GBF1: variants seen among roughly 807,000 people sequenced by gnomAD.
The protein encoded by GBF1 is Golgi-specific brefeldin A-resistance guanine nucleotide exchange factor 1.
In GBF1, 114 loss-of-function variants were observed where a neutral mutation model predicts 210.5. The observed-to-expected ratio is 0.54, with a 90% confidence interval of 0.47 to 0.63. The LOEUF is 0.63. Among genes scored for constraint, GBF1 ranks in the 30% least tolerant of loss-of-function variants. The pLI is 0.00. For missense variants in GBF1, 1,851 were observed against 2,357.7 expected (o/e 0.79, Z 4.45); for synonymous variants, 850 against 889.2 (o/e 0.96, Z 0.78).
the GBF1 span, chr10:102,230,765 C>G: frequency 6.7e-7 from 1 of 1,500,028 alleles, no homozygotes; most frequent in Non-Finnish European, 8.9e-7. Flanking sequence ...GGGGGGCCCC[C>G]GCCCAGGCCC....
rs1404844871 is a variant in GBF1 at position 102,375,474 on chromosome 10, A to G, written c.3776A>G (p.His1259Arg). Residue 1259 changes from histidine (H) to arginine (R), a missense_variant, in exon 30 of 40, where the codon CAC (histidine) becomes CGC (arginine). His to Arg is a conservative substitution (Grantham distance 29). This residue lies in a region of GBF1 where 967 missense variants were observed against 1,247.7 expected (regional missense o/e 0.78). Transcript: ENST00000369983. ...ELLKTNAANI[H>R]SGDDWATLFT... ...CTGAAGACCAATGCAGCCAACATCC[A>G]CTCAGGTGATGACTGGGCCACACTC... 3 of 1,613,366 alleles carry G rather than the reference A, an allele frequency of 1.9e-6. No homozygotes were observed. Among genetic ancestry groups the G allele is most frequent in the Non-Finnish European group, 2.5e-6 (3 of 1,179,426 alleles).
the GBF1 span, among the ~76,000 whole-genome samples, chr10:102,233,883 C>A: frequency 1.3e-5 from 2 of 152,178 alleles, no homozygotes; most frequent in Non-Finnish European, 2.9e-5. Context: ...CTCCAAGTTT[C>A]CCCCGCAGGG....
At chr10:102,370,650 C>CT (rs2060156747) in intron 28 of GBF1, 57 bp from the exon 29 acceptor site, 2 of 1,557,412 alleles carry the variant, frequency 1.3e-6, no homozygotes, top group Non-Finnish European at 1.8e-6. Context: ...CCTAGGGGAC[C>CT]TGTTGCCCAG....
At position 102,369,723 on chromosome 10, in the gene GBF1, G is replaced by A. The variant is rs763075099; in HGVS notation, c.3163G>A (p.Val1055Met). ...PKAMIEVEDFVDPNGKISLQR... is the reference protein window; with the variant it reads ...PKAMIEVEDFMDPNGKISLQR... ...CTTACTTTTCCAGGTAGAAGATTTCGTGGATCCCAATGGCAAGATCTCTCT... is the reference window on the plus strand; with the variant it reads ...CTTACTTTTCCAGGTAGAAGATTTCATGGATCCCAATGGCAAGATCTCTCT... Residue 1055 changes from valine to methionine, a missense_variant, in exon 25 of 40, where the codon GTG (valine) becomes ATG (methionine). This residue lies in a region of GBF1 where 967 missense variants were observed against 1,247.7 expected (regional missense o/e 0.78). Coordinates refer to ENST00000369983, the MANE Select transcript of GBF1 (RefSeq NM_001377137.1). 122 of 1,613,912 alleles carry A rather than the reference G, an allele frequency of 7.6e-5. No homozygotes were observed. Among genetic ancestry groups the A allele is most frequent in the Non-Finnish European group, 9.9e-5 (117 of 1,179,892 alleles).
intron 3 of GBF1, among the ~76,000 whole-genome samples, chr10:102,293,969 G>A (rs1379835376): frequency 2.0e-5 from 3 of 151,272 alleles, no homozygotes; most frequent in Non-Finnish European, 4.4e-5. Flanking sequence ...TAATAGAGAC[G>A]GGGTTTCACC....
intron 3 of GBF1, among the ~76,000 whole-genome samples, chr10:102,320,332 C>T (rs2056282491): frequency 6.6e-6 from 1 of 152,072 alleles, no homozygotes; most frequent in Non-Finnish European, 1.5e-5. Flanking sequence ...GGAGTTCTTA[C>T]AATTTCTTTA....
At chr10:102,352,858 C>T (rs1003064612) in intron 7 of GBF1, among the ~76,000 whole-genome samples, 1 of 152,094 alleles carries the variant, frequency 6.6e-6, no homozygotes, top group Non-Finnish European at 1.5e-5. Flanking sequence ...TGGGAGAGGG[C>T]CAAAATTAGG....
intron 10 of GBF1, among the ~76,000 whole-genome samples, 191 bp downstream of exon 10, chr10:102,358,920 T>C (rs749862594): frequency 2.6e-4 from 39 of 152,218 alleles, no homozygotes; most frequent in Admixed American, 5.9e-4. Context: ...CTGTGAGAGA[T>C]AGCTCATGAG....
chr10:102,382,361 C>T lies in GBF1; in HGVS notation c.*25C>T, dbSNP rs370354424. The T allele has an allele frequency of 1.9e-6, 3 of 1,562,726 alleles. No homozygotes were observed. Among genetic ancestry groups the T allele is most frequent in the African/African-American group, 2.7e-5 (2 of 73,980 alleles). ...AGGCAGGTCACTCAGAGATCAGGAC[C>T]AGTGCTTCCCACCAGGCTTTCCTTG... On this transcript the variant is annotated 3_prime_UTR_variant, in exon 40 of 40. Coordinates refer to ENST00000369983, the MANE Select transcript of GBF1 (RefSeq NM_001377137.1).
chr10:102,255,129 C>T, intron 1 of GBF1, among the ~76,000 whole-genome samples: 1 of 152,104 alleles, frequency 6.6e-6, no homozygotes, highest in Non-Finnish European at 1.5e-5. Context: ...TAACCTCCAC[C>T]TCCTGGGTTC....
At chr10:102,301,678 C>A (rs1304305132) in intron 3 of GBF1, among the ~76,000 whole-genome samples, 1 of 146,940 alleles carries the variant, frequency 6.8e-6, no homozygotes, top group African/African-American at 2.6e-5. Context: ...GGCGGCGGGG[C>A]AGAGGCGCTC....
intron 8 of GBF1, among the ~76,000 whole-genome samples, chr10:102,355,979 C>T (rs1055795222): frequency 3.9e-5 from 6 of 152,194 alleles, no homozygotes; most frequent in Non-Finnish European, 8.8e-5. Context: ...GCGGTCAGTA[C>T]GCCTGAAGCT....
At chr10:102,373,157 A>AAAAAACTCACAAAACAAAACAATAATT (rs2060303530) in intron 29 of GBF1, among the ~76,000 whole-genome samples, 1 of 152,260 alleles carries the variant, frequency 6.6e-6, no homozygotes, top group South Asian at 2.1e-4. Context: ...AAAACACAAC[A>AAAAAACTCACAAAACAAAACAATAATT]GTGATAAAAC....
intron 3 of GBF1, among the ~76,000 whole-genome samples, chr10:102,329,596 T>G (rs1168070649): frequency 6.6e-6 from 1 of 152,086 alleles, no homozygotes; most frequent in Non-Finnish European, 1.5e-5. Context: ...CCTGAGTAGC[T>G]GGGACTACAG....
chr10:102,366,134 C>A lies in GBF1; in HGVS notation c.2310-249C>A, dbSNP rs922019630. ...GATAGTTTGGGGAGCCCCCTCCATT[C>A]TGCATGGAGTCCATTCCAAAGGGGT... is the stretch of plus-strand genomic sequence containing the variant. On this transcript the variant is annotated intron_variant, in intron 18 of 39. Coordinates refer to ENST00000369983, the MANE Select transcript of GBF1 (RefSeq NM_001377137.1). The surrounding 1 kb of genome is among the most constrained non-coding windows in gnomAD (Gnocchi z 4.0). Among the ~76,000 whole-genome samples, 4 of 152,160 alleles carry A rather than the reference C, an allele frequency of 2.6e-5. No homozygotes were observed. The highest frequency in any genetic ancestry group is 9.7e-5 in the African/African-American group (4 of 41,442).
chr10:102,230,761 C>A, the GBF1 span: 1 of 1,492,478 alleles, frequency 6.7e-7, no homozygotes, highest in Non-Finnish European at 8.9e-7. Flanking sequence ...CCCGGGGGGG[C>A]CCCCGCCCAG....
At chr10:102,235,333 A>C in the GBF1 span, among the ~76,000 whole-genome samples, 1 of 152,222 alleles carries the variant, frequency 6.6e-6, no homozygotes, top group East Asian at 1.9e-4. Flanking sequence ...CTGGAGCTAG[A>C]GGATGGGGTG....
At position 102,370,224 on chromosome 10, in the gene GBF1, G is replaced by A. The variant is rs752365911; in HGVS notation, c.3390G>A (p.Glu1130=). Reference sequence around the variant, plus strand: ...CAGAAAGCAAGTTCCTCCAGCTGGAGTCACTACAGGAGCTCATGAAGGTAA... The same window carrying A: ...CAGAAAGCAAGTTCCTCCAGCTGGAATCACTACAGGAGCTCATGAAGGTAA... ...MITESKFLQL[E]SLQELMKALV... Residue 1130 remains glutamate (E), a synonymous_variant, in exon 27 of 40, where the codon GAG becomes GAA. Coordinates refer to ENST00000369983, the MANE Select transcript of GBF1 (RefSeq NM_001377137.1). 1 of 1,611,132 alleles carries A rather than the reference G, an allele frequency of 6.2e-7. No homozygotes were observed. Among genetic ancestry groups the A allele is most frequent in the Non-Finnish European group, 8.5e-7 (1 of 1,177,266 alleles).
intron 31 of GBF1, 28 bp from the exon 32 acceptor site, chr10:102,376,532 G>A: frequency 6.2e-7 from 1 of 1,613,510 alleles, no homozygotes; most frequent in African/African-American, 1.3e-5. Flanking sequence ...CCAAGCCTGT[G>A]TCCCCAGCTC....
Sources: allele counts gnomAD v4.1 joint callset (sites outside exome capture counted in the v4.1 genomes callset), GRCh38; gene constraint gnomAD v4.1.1; regional missense constraint gnomAD v4.1.1; non-coding constraint Gnocchi (gnomAD v3.1); transcripts MANE v1.5; gene names NCBI Gene and HGNC (gene_info 2026-07-23, HGNC 2026-07-21).